GREB1L: variants seen among roughly 807,000 people sequenced by gnomAD.
GREB1L encodes GREB1-like protein.
GREB1L carries 17 observed loss-of-function variants against 200.8 expected under a neutral mutation model. That is an observed-to-expected ratio of 0.08 (90% confidence interval 0.06 to 0.13). The LOEUF (loss-of-function observed/expected upper bound fraction) is 0.13, where lower values mean the gene tolerates loss of function less well. GREB1L is among the 10% of genes least tolerant of loss of function. The pLI, the probability that GREB1L is intolerant of heterozygous loss-of-function variation, is 1.00. For missense variants in GREB1L, 1,657 were observed against 2,367.7 expected (o/e 0.70, Z 6.23); for synonymous variants, 789 against 893.0 (o/e 0.88, Z 2.08).
intron 7 of GREB1L, among the ~76,000 whole-genome samples, chr18:21,412,092 A>C (rs974026334): frequency 6.6e-6 from 1 of 150,746 alleles, no homozygotes; most frequent in Non-Finnish European, 1.5e-5. Flanking sequence ...ATGGGTAAGT[A>C]AATTGTGAGA....
At chr18:21,272,996 G>A (rs2038102418) in intron 1 of GREB1L, among the ~76,000 whole-genome samples, 1 of 152,220 alleles carries the variant, frequency 6.6e-6, no homozygotes, top group South Asian at 2.1e-4. Flanking sequence ...GGAGGCTGAG[G>A]CGGGTGGATC....
rs192108396 is a variant in GREB1L, at chr18:21,305,749, T to C, written c.-119-60278T>C. The stretch of plus-strand genomic sequence containing the variant: ...CTAAATTCTTTGCCCTGTGAGACCC[T>C]GCTGGTCTGGTATCTAGCTACCTTT... On this transcript the variant is annotated intron_variant, in intron 1 of 32. Transcript: ENST00000424526. 2.2e-4 allele frequency among the ~76,000 whole-genome samples: 34 copies of C among 152,366 alleles called. No individual in the cohort carries two copies. In the East Asian group the frequency reaches 6.0e-3, roughly 27 times the overall value.
intron 1 of GREB1L, among the ~76,000 whole-genome samples, chr18:21,355,982 C>CTTTTTTTTTT (rs869238658): frequency 9.2e-6 from 1 of 109,176 alleles, no homozygotes; most frequent in Admixed American, 9.8e-5. Context: ...AATTAGGCTT[C>CTTTTTTTTTT]TTTTTTTTTT....
chr18:21,463,374 T>C (rs2035137633), intron 15 of GREB1L, among the ~76,000 whole-genome samples: 1 of 151,804 alleles, frequency 6.6e-6, no homozygotes, highest in African/African-American at 2.4e-5. Flanking sequence ...CTCGATCTCC[T>C]GACCTCATGA....
chr18:21,453,458 A>G (rs1221669769), intron 14 of GREB1L, among the ~76,000 whole-genome samples: 2 of 152,212 alleles, frequency 1.3e-5, no homozygotes, highest in Admixed American at 6.5e-5. Flanking sequence ...AAACTGCCAC[A>G]TGTGTTCCTG....
chr18:21,500,661 G>A lies in GREB1L; in HGVS notation c.4072+19G>A. On this transcript the variant is annotated intron_variant, in intron 23 of 32. Coordinates refer to ENST00000424526, the MANE Select transcript of GREB1L (RefSeq NM_001142966.3). ...AACACCGGTGAGTGCTGAGCCCAGG[G>A]AGTGGGCAGAGGGGCAAGAGACAAA... The A allele has an allele frequency of 1.4e-6, 2 of 1,470,032 alleles. No individual in the cohort carries two copies. Among genetic ancestry groups the A allele is most frequent in the Non-Finnish European group, 1.8e-6 (2 of 1,090,618 alleles). 91.1% of individuals were successfully genotyped at this position (1,470,032 alleles called of 1,614,324 possible).
intron 16 of GREB1L, among the ~76,000 whole-genome samples, chr18:21,476,725 C>T (rs562879275): frequency 6.7e-6 from 1 of 149,808 alleles, no homozygotes; most frequent in South Asian, 2.1e-4. Context: ...CACACCGCCA[C>T]ACCCAGCTAA....
intron 10 of GREB1L, among the ~76,000 whole-genome samples, chr18:21,442,251 C>A (rs1418098013): frequency 2.0e-5 from 3 of 152,188 alleles, no homozygotes; most frequent in African/African-American, 7.2e-5. Flanking sequence ...CAGAAGGAGA[C>A]TGCTTGCTCT....
intron 1 of GREB1L, among the ~76,000 whole-genome samples, chr18:21,343,781 G>A (rs1240473000): frequency 2.0e-5 from 3 of 147,890 alleles, no homozygotes; most frequent in African/African-American, 7.6e-5. Flanking sequence ...TGTCACCCAG[G>A]CTGGAGTGCA....
At chr18:21,479,237 C>T (rs372709022) in intron 17 of GREB1L, among the ~76,000 whole-genome samples, 8 of 152,108 alleles carry the variant, frequency 5.3e-5, no homozygotes, top group Admixed American at 1.3e-4. Context: ...CATTAAATTT[C>T]GATATATTGG....
chr18:21,504,296 G>T (rs1384157263), intron 23 of GREB1L, among the ~76,000 whole-genome samples: 1 of 152,066 alleles, frequency 6.6e-6, no homozygotes, highest in Admixed American at 6.5e-5. Flanking sequence ...TGTGCTTTGG[G>T]AGGCCAAGGT....
intron 27 of GREB1L, 190 bp downstream of exon 27, chr18:21,508,781 G>A: frequency 1.6e-6 from 1 of 606,176 alleles, no homozygotes; most frequent in Non-Finnish European, 2.9e-6. Context: ...CCCTTTATCT[G>A]CACTTTTGCA....
chr18:21,517,777 A>G (rs560597199), intron 30 of GREB1L, among the ~76,000 whole-genome samples: 16 of 152,288 alleles, frequency 1.1e-4, no homozygotes, highest in Admixed American at 8.5e-4. Flanking sequence ...CTCACAGTGT[A>G]CCTGTTAAAT....
chr18:21,512,465 A>G (rs572720961), intron 27 of GREB1L, among the ~76,000 whole-genome samples: 2 of 152,220 alleles, frequency 1.3e-5, no homozygotes, highest in Non-Finnish European at 2.9e-5. Flanking sequence ...TTTCCTTTAG[A>G]TTGTTCACAG....
chr18:21,303,728 G>C (rs1175898128), intron 1 of GREB1L, among the ~76,000 whole-genome samples: 1 of 152,142 alleles, frequency 6.6e-6, no homozygotes. Flanking sequence ...AAAAATTCTT[G>C]ATATTTGCAT....
At chr18:21,457,762 G>A (rs910864488) in intron 15 of GREB1L, among the ~76,000 whole-genome samples, 2 of 152,174 alleles carry the variant, frequency 1.3e-5, no homozygotes, top group African/African-American at 4.8e-5. Context: ...CTAGAAGCAT[G>A]TTAAAATGTA....
intron 15 of GREB1L, among the ~76,000 whole-genome samples, chr18:21,466,496 G>T (rs2035267350): frequency 6.6e-6 from 1 of 151,690 alleles, no homozygotes; most frequent in East Asian, 1.9e-4. Context: ...ATGAAATTGA[G>T]AAAATTTTAA....
In GREB1L at chr18:21,476,594, C is replaced by T. The variant is rs1157753751; in HGVS notation, c.2364-570C>T. 7.9e-5 allele frequency among the ~76,000 whole-genome samples: 12 copies of T among 151,066 alleles called. No individual in the cohort carries two copies. The South Asian group carries it at 2.5e-3, about 32-fold the overall frequency. On this transcript the variant is annotated intron_variant, in intron 16 of 32. Coordinates refer to ENST00000424526, the MANE Select transcript of GREB1L (RefSeq NM_001142966.3). ...TTTGGGGTTTTGTTTTTTTTTTAAA[C>T]AGTCTAGCTGTGTTGCCCAGGCTGG...
intron 23 of GREB1L, among the ~76,000 whole-genome samples, chr18:21,503,816 G>C (rs115619138): frequency 4.9e-4 from 74 of 150,648 alleles, no homozygotes; most frequent in Middle Eastern, 3.5e-3. Flanking sequence ...AGCCTTAGGG[G>C]ATCCACCCAC....
Sources: allele counts gnomAD v4.1 joint callset (sites outside exome capture counted in the v4.1 genomes callset), GRCh38; gene constraint gnomAD v4.1.1; transcripts MANE v1.5; gene names NCBI Gene and HGNC (gene_info 2026-07-23, HGNC 2026-07-21).